DNAH12: variants seen among roughly 807,000 people sequenced by gnomAD.
DNAH12 encodes the protein axonemal beta dynein heavy chain 12.
A neutral mutation model predicts 371.5 loss-of-function variants in DNAH12; 285 were observed. That is an observed-to-expected ratio of 0.77 (90% CI 0.70 to 0.85). DNAH12 has a LOEUF of 0.85. Ranked by LOEUF, DNAH12 falls within the 40% of genes least tolerant of loss-of-function variation. The pLI is 0.00. For missense variants in DNAH12, 3,611 were observed against 3,689.4 expected, an observed-to-expected ratio of 0.98 and a Z score of 0.55; for synonymous variants, 1,200 against 1,213.0, an observed-to-expected ratio of 0.99 and a Z score of 0.22.
At chr3:57,394,710 A>G (rs2063701025) in intron 43 of DNAH12, among the ~76,000 whole-genome samples, 1 of 152,234 alleles carries the variant, frequency 6.6e-6, no homozygotes, top group Non-Finnish European at 1.5e-5. Flanking sequence ...GCCTCATGGT[A>G]TGAGCCTGCT....
At chr3:57,354,438 CCT>C (rs1216149265) in intron 59 of DNAH12, among the ~76,000 whole-genome samples, 13 of 151,332 alleles carry the variant, frequency 8.6e-5, no homozygotes, top group Non-Finnish European at 1.6e-4. Context: ...ATACTAACCC[CCT>C]GTGACATGTA....
rs1288687632 is a variant in DNAH12 at position 57,454,780 on chromosome 3, T to C, written c.3451A>G (p.Thr1151Ala). The change falls in exon 23 of 74, where the codon ACG becomes GCG. Residue 1151 changes from threonine to alanine, a missense_variant. This residue lies in a region of DNAH12 where 1,314 missense variants were observed against 1,398.7 expected (regional missense o/e 0.94). Transcript: ENST00000495027. The stretch of plus-strand genomic sequence containing the variant: ...AAAAGCAAACAATGCTTTACCTCCG[T>C]CCCGCCACTTATCACTTCCTGTGTC... Reference protein sequence around the residue: ...SETQEVISGGTEGLKKYYKEL... With the variant: ...SETQEVISGGAEGLKKYYKEL... The C allele has an allele frequency of 6.4e-7, 1 of 1,551,134 alleles. No homozygotes were observed. Among genetic ancestry groups the C allele is most frequent in the Non-Finnish European group, 8.7e-7 (1 of 1,146,748 alleles).
chr3:57,500,054 T>C (rs946788954), intron 11 of DNAH12, among the ~76,000 whole-genome samples: 43 of 151,856 alleles, frequency 2.8e-4, no homozygotes, highest in African/African-American at 9.2e-4. Context: ...CCTTTTTTTT[T>C]TTTTGAGATG....
intron 30 of DNAH12, among the ~76,000 whole-genome samples, chr3:57,435,098 C>G (rs112900266): frequency 3.3e-5 from 5 of 151,936 alleles, no homozygotes; most frequent in African/African-American, 1.2e-4. Flanking sequence ...TAATATGGGC[C>G]GGGTGGCTCA....
intron 12 of DNAH12, among the ~76,000 whole-genome samples, chr3:57,487,598 G>A (rs947747276): frequency 5.9e-5 from 9 of 152,076 alleles, no homozygotes; most frequent in Admixed American, 4.6e-4. Context: ...TAAACCAAAC[G>A]GTGAAGTAAG....
intron 4 of DNAH12, among the ~76,000 whole-genome samples, chr3:57,520,360 G>C (rs2068374493): frequency 5.9e-5 from 9 of 151,716 alleles, no homozygotes; most frequent in Admixed American, 5.9e-4. Context: ...CAAAGTGCTT[G>C]GATTACAGGC....
Position 57,470,435 on chromosome 3 carries a change from G to T in DNAH12, c.2105+8C>A. On this transcript the variant is annotated splice_region_variant and intron_variant, in intron 16 of 73. Coordinates refer to ENST00000495027, the MANE Select transcript of DNAH12 (RefSeq NM_001366028.2). The stretch of plus-strand genomic sequence containing the variant: ...TTGCTTGATTTTTATTACATTACCA[G>T]CAATTACCGTTTTTCTGATCGCTGC... 6.7e-7 allele frequency: 1 copy of T among 1,493,618 alleles called. No homozygotes were observed. The highest frequency in any genetic ancestry group is 8.9e-7 in the Non-Finnish European group (1 of 1,123,562). The allele number at this position is 1,493,618 out of a possible 1,614,324, so 92.5% of individuals were successfully genotyped here. A position where few individuals can be genotyped will look rare whatever the true frequency, so the allele number is the denominator to read the frequency against.
intron 34 of DNAH12, among the ~76,000 whole-genome samples, 151 bp from the exon 35 acceptor site, chr3:57,425,292 G>A (rs2064730444): frequency 6.6e-6 from 1 of 151,892 alleles, no homozygotes; most frequent in Non-Finnish European, 1.5e-5. Flanking sequence ...CTGTCATCCA[G>A]GCTGGAGCCC....
intron 60 of DNAH12, among the ~76,000 whole-genome samples, chr3:57,342,062 T>C (rs1386428650): frequency 6.6e-6 from 1 of 152,100 alleles, no homozygotes; most frequent in Non-Finnish European, 1.5e-5. Context: ...TGGATATCCA[T>C]ATGCAGAAGA....
intron 69 of DNAH12, among the ~76,000 whole-genome samples, chr3:57,303,719 G>C (rs1323908099): frequency 6.6e-6 from 1 of 151,990 alleles, no homozygotes; most frequent in African/African-American, 2.4e-5. Context: ...TTTTAAAAGG[G>C]GAAAATTCCA....
chr3:57,488,123 A>G (rs2066994966), intron 12 of DNAH12, among the ~76,000 whole-genome samples: 1 of 152,138 alleles, frequency 6.6e-6, no homozygotes, highest in South Asian at 2.1e-4. Flanking sequence ...GGCACTAGAT[A>G]TTTTACAAAT....
At chr3:57,513,903 G>C (rs1283032690) in intron 4 of DNAH12, among the ~76,000 whole-genome samples, 1 of 152,056 alleles carries the variant, frequency 6.6e-6, no homozygotes, top group African/African-American at 2.4e-5. Context: ...ACATATTGAA[G>C]TCCCACTTAG....
Position 57,474,985 on chromosome 3 carries a change from A to C in DNAH12, c.1651-2314T>G, listed in dbSNP as rs1034023365. Among the ~76,000 whole-genome samples, 9 of 141,850 alleles carry C rather than the reference A, an allele frequency of 6.3e-5. No homozygotes were observed. In the South Asian group the frequency reaches 1.2e-3, roughly 18 times the overall value. 93.1% of individuals were successfully genotyped at this position (141,850 alleles called of 152,430 possible). A position where few individuals can be genotyped will look rare whatever the true frequency, so the allele number is the denominator to read the frequency against. On this transcript the variant is annotated intron_variant, in intron 13 of 73. Coordinates refer to ENST00000495027, the MANE Select transcript of DNAH12 (RefSeq NM_001366028.2). Reference sequence around the variant, plus strand: ...GCGAGACTCTTTCTCAAAAAAAAAAAGGCCAATGGAACAGAACAAGCTGCC... The same window carrying C: ...GCGAGACTCTTTCTCAAAAAAAAAACGGCCAATGGAACAGAACAAGCTGCC...
At chr3:57,553,990 AATTT>A in the DNAH12 span, among the ~76,000 whole-genome samples, 3 of 151,652 alleles carry the variant, frequency 2.0e-5, no homozygotes, top group Non-Finnish European at 2.9e-5. Context: ...GCGCCCGGCT[AATTT>A]TTGTATTTTT....
chr3:57,495,591 AT>A (rs1196731986), intron 11 of DNAH12, among the ~76,000 whole-genome samples: 1 of 141,476 alleles, frequency 7.1e-6, no homozygotes, highest in African/African-American at 2.6e-5. Flanking sequence ...TCTCAAAAAA[AT>A]ATACATATAT....
At chr3:57,429,574 C>A in intron 33 of DNAH12, 117 bp downstream of exon 33, 1 of 901,910 alleles carries the variant, frequency 1.1e-6, no homozygotes, top group Non-Finnish European at 1.7e-6. Flanking sequence ...GTGTCTTATT[C>A]ATCTTTATAT....
intron 62 of DNAH12, among the ~76,000 whole-genome samples, chr3:57,329,837 A>G (rs1213947335): frequency 1.3e-5 from 2 of 152,236 alleles, no homozygotes; most frequent in Admixed American, 1.3e-4. Flanking sequence ...AATATCCAGA[A>G]TCTACAATGA....
At chr3:57,372,863 C>A (rs1403446286) in intron 55 of DNAH12, among the ~76,000 whole-genome samples, 1 of 151,864 alleles carries the variant, frequency 6.6e-6, no homozygotes, top group African/African-American at 2.4e-5. Context: ...ATCAATAATT[C>A]CACTAAATGT....
At position 57,542,685 on chromosome 3, in the gene DNAH12, C is replaced by A. The variant is rs189921094; in HGVS notation, c.170+16G>T. On this transcript the variant is annotated intron_variant, in intron 2 of 73. Coordinates refer to ENST00000495027, the MANE Select transcript of DNAH12 (RefSeq NM_001366028.2). Reference sequence around the variant, plus strand: ...TTGAATTCCAAGCAAGAATTATCTACTAATATGCTACTTACACTAACTGAT... The same window carrying A: ...TTGAATTCCAAGCAAGAATTATCTAATAATATGCTACTTACACTAACTGAT... 1.3e-6 allele frequency: 2 copies of A among 1,550,750 alleles called. No individual in the cohort carries two copies.
Sources: allele counts gnomAD v4.1 joint callset (sites outside exome capture counted in the v4.1 genomes callset), GRCh38; gene constraint gnomAD v4.1.1; regional missense constraint gnomAD v4.1.1; transcripts MANE v1.5; gene names NCBI Gene and HGNC (gene_info 2026-07-23, HGNC 2026-07-21).